TMEM114: variants seen among roughly 807,000 people sequenced by gnomAD.
TMEM114 encodes claudin-26.
TMEM114 carries 6 observed loss-of-function variants against 6.2 expected under a neutral mutation model. The observed-to-expected ratio is 0.97, with a 90% CI of 0.53 to 1.91. The LOEUF is 1.91. Ranked by LOEUF, TMEM114 falls within the 40% of genes most tolerant of loss-of-function variation. TMEM114 has a pLI of 0.01. For synonymous variants in TMEM114, 104 were observed against 73.0 expected, an observed-to-expected ratio of 1.42 and a Z score of -2.16; for missense variants, 218 against 158.3, an observed-to-expected ratio of 1.38 and a Z score of -2.02.
At chr16:8,566,895 T>TG (rs1382757067), downstream of TMEM114, among the ~76,000 whole-genome samples, 1 of 108,980 alleles carries the variant, frequency 9.2e-6, no homozygotes, top group African/African-American at 3.8e-5. Context: ...CCCATCACCC[T>TG]GGTTTTTTTT....
At chr16:8,564,359 GAGTGAATGAGTC>G (rs1327585590) in intron 2 of TMEM114, among the ~76,000 whole-genome samples, 7 of 150,824 alleles carry the variant, frequency 4.6e-5, no homozygotes, top group South Asian at 2.1e-4. Context: ...ATGAGTCAGT[GAGTGAATGAGTC>G]AGTGAATGAG....
intron 2 of TMEM114, among the ~76,000 whole-genome samples, chr16:8,574,036 G>A (rs1249897668): frequency 6.6e-6 from 1 of 152,198 alleles, no homozygotes; most frequent in Non-Finnish European, 1.5e-5. Flanking sequence ...GCTAGACAGT[G>A]TGGCTCTCAG....
At chr16:8,541,862 G>A (rs1900524254) in intron 2 of TMEM114, among the ~76,000 whole-genome samples, 1 of 152,164 alleles carries the variant, frequency 6.6e-6, no homozygotes, top group Non-Finnish European at 1.5e-5. Flanking sequence ...TCAGGCTGGT[G>A]AGGATCAAAG....
chr16:8,555,912 A>G (rs1900995870), intron 2 of TMEM114, among the ~76,000 whole-genome samples: 1 of 152,152 alleles, frequency 6.6e-6, no homozygotes, highest in African/African-American at 2.4e-5. Context: ...GCCTCACCCT[A>G]AGAAGTATCT....
the TMEM114 span, among the ~76,000 whole-genome samples, chr16:8,531,002 C>G: frequency 1.3e-5 from 2 of 151,768 alleles, no homozygotes; most frequent in African/African-American, 4.8e-5. Flanking sequence ...GCAGTCCAAG[C>G]AGCAGAGTGA....
At chr16:8,565,280 CTGAA>C (rs1452879514), downstream of TMEM114, among the ~76,000 whole-genome samples, 4 of 152,106 alleles carry the variant, frequency 2.6e-5, no homozygotes, top group Non-Finnish European at 5.9e-5. Flanking sequence ...TGAACAAAGA[CTGAA>C]TGCGTGCATG....
intron 2 of TMEM114, among the ~76,000 whole-genome samples, chr16:8,585,637 A>G (rs1385836915): frequency 1.3e-5 from 2 of 152,302 alleles, no homozygotes; most frequent in East Asian, 3.9e-4. Flanking sequence ...GGAGAAAAAA[A>G]AAAAAGCTCT....
At chr16:8,546,767 CAG>C (rs1380304244) in intron 2 of TMEM114, among the ~76,000 whole-genome samples, 13 of 152,368 alleles carry the variant, frequency 8.5e-5, no homozygotes, top group South Asian at 6.2e-4. Context: ...CAGCTGCAAT[CAG>C]AGCACACCAA....
intron 2 of TMEM114, among the ~76,000 whole-genome samples, chr16:8,573,231 T>C (rs1397536669): frequency 6.6e-6 from 1 of 152,120 alleles, no homozygotes; most frequent in African/African-American, 2.4e-5. Flanking sequence ...GACCACGTGA[T>C]GTGTGTGATA....
chr16:8,532,180 T>C, the TMEM114 span, among the ~76,000 whole-genome samples: 1 of 152,190 alleles, frequency 6.6e-6, no homozygotes. Flanking sequence ...ATATAAATTT[T>C]TCTTTTGAAA....
intron 2 of TMEM114, among the ~76,000 whole-genome samples, chr16:8,547,391 TCTTTC>T (rs1412348044): frequency 7.5e-5 from 11 of 146,876 alleles, no homozygotes; most frequent in African/African-American, 2.8e-4. Flanking sequence ...TTTCTTTCTT[TCTTTC>T]TTTTTTTTTT....
At chr16:8,557,711 G>C (rs1042326805) in intron 2 of TMEM114, among the ~76,000 whole-genome samples, 6 of 152,170 alleles carry the variant, frequency 3.9e-5, no homozygotes, top group Non-Finnish European at 5.9e-5. Context: ...CTGCCTCTGA[G>C]CCTCAATTTC....
intron 2 of TMEM114, among the ~76,000 whole-genome samples, chr16:8,576,608 C>A (rs1398365859): frequency 6.6e-6 from 1 of 152,168 alleles, no homozygotes; most frequent in Non-Finnish European, 1.5e-5. Context: ...GTGATGTATT[C>A]TTGCACATCC....
At chr16:8,531,970 T>C in the TMEM114 span, 1 of 152,218 alleles carries the variant, frequency 6.6e-6, no homozygotes, top group East Asian at 1.9e-4. Context: ...ATAACAGCTC[T>C]AGCTGTTTTT....
chr16:8,546,237 T>C (rs1223449268), intron 2 of TMEM114, among the ~76,000 whole-genome samples: 2 of 152,254 alleles, frequency 1.3e-5, no homozygotes, highest in Non-Finnish European at 2.9e-5. Flanking sequence ...TGATTGTGTA[T>C]ACTTTATAGA....
At chr16:8,563,995 G>A (rs1901407029) in intron 2 of TMEM114, among the ~76,000 whole-genome samples, 1 of 142,060 alleles carries the variant, frequency 7.0e-6, no homozygotes. Context: ...GGGCGGGAGG[G>A]AATGAGTGAG....
chr16:8,528,995 G>C, the TMEM114 span, among the ~76,000 whole-genome samples: 1 of 152,204 alleles, frequency 6.6e-6, no homozygotes, highest in Non-Finnish European at 1.5e-5. Flanking sequence ...CATGACAGCT[G>C]AGCACAGGAC....
At chr16:8,569,074 C>T (rs991945742), downstream of TMEM114, among the ~76,000 whole-genome samples, 2 of 152,192 alleles carry the variant, frequency 1.3e-5, no homozygotes, top group African/African-American at 4.8e-5. Context: ...ATCAACAAGC[C>T]CATAGAGTCT....
downstream of TMEM114, among the ~76,000 whole-genome samples, chr16:8,532,742 G>C (rs1018853468): frequency 1.3e-5 from 2 of 151,812 alleles, no homozygotes; most frequent in Non-Finnish European, 2.9e-5. Context: ...GGCTAACATG[G>C]TGAAACCCCG....
Sources: allele counts gnomAD v4.1 joint callset (sites outside exome capture counted in the v4.1 genomes callset), GRCh38; gene constraint gnomAD v4.1.1; transcripts MANE v1.5; gene names NCBI Gene and HGNC (gene_info 2026-07-23, HGNC 2026-07-21).